The following ABCG2 variants were observed in gnomAD, a reference collection of about 807,000 sequenced individuals.
ABCG2 encodes the protein broad substrate specificity ATP-binding cassette transporter ABCG2.
ABCG2 carries 80 observed loss-of-function variants against 73.5 expected under a neutral mutation model. The ratio of observed to expected loss-of-function variants is 1.09; its 90% CI spans 0.91 to 1.31. The LOEUF is 1.31. ABCG2 is among the 50% of genes most tolerant of loss of function. The probability of loss-of-function intolerance (pLI) is 0.00; values close to 1 mark genes in which losing one functional copy is unlikely to be tolerated. For synonymous variants in ABCG2, 269 were observed against 282.4 expected, an observed-to-expected ratio of 0.95 and a Z score of 0.48; for missense variants, 796 against 786.2, an observed-to-expected ratio of 1.01 and a Z score of -0.15.
chr4:88,151,498 G>A (rs929101950), intron 1 of ABCG2, among the ~76,000 whole-genome samples: 3 of 152,170 alleles, frequency 2.0e-5, no homozygotes, highest in Non-Finnish European at 4.4e-5. Flanking sequence ...CAGCACTTTG[G>A]GAGGCCGAGG....
chr4:88,109,690 G>T (rs900634944), intron 9 of ABCG2, among the ~76,000 whole-genome samples: 2 of 152,180 alleles, frequency 1.3e-5, no homozygotes, highest in Admixed American at 1.3e-4. Flanking sequence ...TTTGGAAGAT[G>T]CATTATCAGA....
At chr4:88,206,759 C>T (rs1009888020) in intron 1 of ABCG2, among the ~76,000 whole-genome samples, 6 of 152,206 alleles carry the variant, frequency 3.9e-5, no homozygotes, top group South Asian at 2.1e-4. Flanking sequence ...ACAGTGGTCT[C>T]GTCTTCCTTT....
intron 1 of ABCG2, among the ~76,000 whole-genome samples, chr4:88,187,743 A>G (rs1728524239): frequency 6.6e-6 from 1 of 152,230 alleles, no homozygotes; most frequent in South Asian, 2.1e-4. Flanking sequence ...CCTACAATGT[A>G]CCCACAAACA....
Position 88,095,626 on chromosome 4 carries a change from C to G in ABCG2, c.1648-17G>C. The G allele has an allele frequency of 6.2e-7, 1 of 1,605,788 alleles. No individual in the cohort carries two copies. Among genetic ancestry groups the G allele is most frequent in the Non-Finnish European group, 8.5e-7 (1 of 1,172,640 alleles). On this transcript the variant is annotated splice_polypyrimidine_tract_variant and intron_variant, in intron 13 of 15. Coordinates refer to ENST00000237612, the MANE Select transcript of ABCG2 (RefSeq NM_004827.3). ...TGAAAAAATCTACAAAAAGCAAATA[C>G]TAAAAGTCAGGCCTGCTTGAGTAAT... is the stretch of plus-strand genomic sequence containing the variant.
At chr4:88,115,129 G>C in intron 7 of ABCG2, 71 bp from the exon 8 acceptor site, 1 of 1,010,992 alleles carries the variant, frequency 9.9e-7, no homozygotes, top group Non-Finnish European at 1.5e-6. Context: ...ACTTTCAGAG[G>C]GTGAGGGAGG....
At chr4:88,116,002 C>G (rs1723555085) in intron 7 of ABCG2, among the ~76,000 whole-genome samples, 1 of 152,154 alleles carries the variant, frequency 6.6e-6, no homozygotes, top group African/African-American at 2.4e-5. Flanking sequence ...CCAGACCAAC[C>G]TAGCCAACAT....
chr4:88,206,302 T>A (rs1157450502), intron 1 of ABCG2: 1 of 152,050 alleles, frequency 6.6e-6, no homozygotes. Flanking sequence ...AATAAATGAA[T>A]CAAGTCCAAA....
chr4:88,154,968 A>G (rs573543395), intron 1 of ABCG2, among the ~76,000 whole-genome samples: 1 of 152,294 alleles, frequency 6.6e-6, no homozygotes, highest in South Asian at 2.1e-4. Context: ...TTGGACAAAA[A>G]GGCTACAGGA....
intron 1 of ABCG2, among the ~76,000 whole-genome samples, chr4:88,173,745 T>G (rs974172385): frequency 1.3e-5 from 2 of 152,174 alleles, no homozygotes; most frequent in Non-Finnish European, 2.9e-5. Flanking sequence ...ATACCTGTAA[T>G]CCCAACACTT....
chr4:88,111,330 A>T (rs759785739), intron 9 of ABCG2, among the ~76,000 whole-genome samples: 4 of 152,236 alleles, frequency 2.6e-5, no homozygotes, highest in Non-Finnish European at 5.9e-5. Context: ...ATGCTCAAAG[A>T]ATAAAATTTT....
intron 1 of ABCG2, among the ~76,000 whole-genome samples, chr4:88,140,502 A>G (rs939068526): frequency 6.6e-6 from 1 of 152,092 alleles, no homozygotes; most frequent in African/African-American, 2.4e-5. Flanking sequence ...TGTGCCTGTA[A>G]TCCCAGCTAC....
chr4:88,130,951 C>T, intron 5 of ABCG2, 110 bp downstream of exon 5: 2 of 1,252,176 alleles, frequency 1.6e-6, no homozygotes, highest in Non-Finnish European at 2.2e-6. Context: ...TGGAAAGCAA[C>T]CATTTTTGAC....
chr4:88,189,612 A>C (rs1201228290), intron 1 of ABCG2, among the ~76,000 whole-genome samples: 1 of 152,122 alleles, frequency 6.6e-6, no homozygotes, highest in East Asian at 1.9e-4. Flanking sequence ...TATTTTGCTG[A>C]ATTTATTTAG....
intron 10 of ABCG2, among the ~76,000 whole-genome samples, chr4:88,103,560 A>T (rs1225247935): frequency 1.3e-5 from 2 of 152,260 alleles, no homozygotes; most frequent in Admixed American, 6.5e-5. Flanking sequence ...CCATCGTCTC[A>T]AACATTTATT....
At chr4:88,121,508 C>T (rs1048014336) in intron 6 of ABCG2, 127 bp downstream of exon 6, 1 of 914,290 alleles carries the variant, frequency 1.1e-6, no homozygotes, top group Non-Finnish European at 1.6e-6. Context: ...CATTTGTTAA[C>T]TGACTTTCAC....
At chr4:88,144,172 A>G (rs943185650) in intron 1 of ABCG2, among the ~76,000 whole-genome samples, 8 of 152,176 alleles carry the variant, frequency 5.3e-5, no homozygotes, top group Admixed American at 3.9e-4. Context: ...AGGCTAATCC[A>G]TTTCTTTTTC....
At chr4:88,211,245 G>A (rs1729576884) in intron 1 of ABCG2, among the ~76,000 whole-genome samples, 1 of 151,766 alleles carries the variant, frequency 6.6e-6, no homozygotes, top group Non-Finnish European at 1.5e-5. Flanking sequence ...ATTCAGGGTT[G>A]CACGTGCTTG....
chr4:88,138,442 C>G (rs1274439696), intron 2 of ABCG2, among the ~76,000 whole-genome samples: 2 of 152,144 alleles, frequency 1.3e-5, no homozygotes, highest in African/African-American at 4.8e-5. Flanking sequence ...GTTATAGTGA[C>G]TTAGTTCTAG....
At chr4:88,177,782 C>T (rs1009033973) in intron 1 of ABCG2, among the ~76,000 whole-genome samples, 1 of 152,074 alleles carries the variant, frequency 6.6e-6, no homozygotes, top group African/African-American at 2.4e-5. Flanking sequence ...GAGAGCACAG[C>T]GATTATGGGA....
Sources: allele counts gnomAD v4.1 joint callset (sites outside exome capture counted in the v4.1 genomes callset), GRCh38; gene constraint gnomAD v4.1.1; transcripts MANE v1.5; gene names NCBI Gene and HGNC (gene_info 2026-07-23, HGNC 2026-07-21).